The following CLINT1 variants were observed in gnomAD, a reference collection of about 807,000 sequenced individuals.
CLINT1 encodes clathrin interacting protein localized in the trans-Golgi region.
CLINT1 carries 15 observed loss-of-function variants against 70.4 expected under a neutral mutation model. The ratio of observed to expected loss-of-function variants is 0.21; its 90% CI spans 0.14 to 0.33. The LOEUF is 0.33. Ranked by LOEUF, CLINT1 falls within the 10% of genes least tolerant of loss-of-function variation. CLINT1 has a pLI of 1.00. For synonymous variants in CLINT1, 227 were observed against 254.7 expected (o/e 0.89, Z 1.04); for missense variants, 615 against 778.1 (o/e 0.79, Z 2.49).
At chr5:157,858,201 G>A (rs1428957877) in intron 1 of CLINT1, among the ~76,000 whole-genome samples, 1 of 152,054 alleles carries the variant, frequency 6.6e-6, no homozygotes, top group South Asian at 2.1e-4. Flanking sequence ...TTCCTTAAGA[G>A]GACATTTCTT....
At chr5:157,833,972 ATGTT>A (rs1251302497) in intron 1 of CLINT1, among the ~76,000 whole-genome samples, 1 of 152,094 alleles carries the variant, frequency 6.6e-6, no homozygotes, top group Non-Finnish European at 1.5e-5. Flanking sequence ...TGTAACAGGC[ATGTT>A]TGTTTATTTA....
chr5:157,821,362 T>A (rs1401392844), intron 1 of CLINT1, among the ~76,000 whole-genome samples: 1 of 147,626 alleles, frequency 6.8e-6, no homozygotes, highest in Non-Finnish European at 1.5e-5. Context: ...TGTATTTAAT[T>A]TCTGCAAACA....
intron 1 of CLINT1, among the ~76,000 whole-genome samples, chr5:157,822,848 AT>A (rs1457296772): frequency 6.6e-6 from 1 of 152,164 alleles, no homozygotes; most frequent in Non-Finnish European, 1.5e-5. Context: ...CCTTGTTGGT[AT>A]TTTTTCCTCT....
intron 1 of CLINT1, among the ~76,000 whole-genome samples, chr5:157,849,535 ATC>A (rs1396980471): frequency 4.5e-4 from 68 of 152,214 alleles, no homozygotes; most frequent in Admixed American, 4.5e-3. Context: ...AACCTGTAAT[ATC>A]TCTGAGGTAT....
At chr5:157,857,150 G>C (rs1168191351) in intron 1 of CLINT1, among the ~76,000 whole-genome samples, 2 of 151,392 alleles carry the variant, frequency 1.3e-5, no homozygotes, top group Admixed American at 1.3e-4. Context: ...GGGAGGCTGA[G>C]GTGGGAGGAT....
At chr5:157,813,351 G>T in intron 4 of CLINT1, 124 bp from the exon 5 acceptor site, 1 of 884,584 alleles carries the variant, frequency 1.1e-6, no homozygotes, top group Non-Finnish European at 1.6e-6. Context: ...AAAAACAATA[G>T]AAAGGGGCAA....
chr5:157,855,988 T>C (rs1753746858), intron 1 of CLINT1, among the ~76,000 whole-genome samples: 1 of 151,956 alleles, frequency 6.6e-6, no homozygotes, highest in Non-Finnish European at 1.5e-5. Flanking sequence ...CCATACTGAA[T>C]CTAAGAGTGG....
Position 157,816,816 on chromosome 5 carries a change from T to C in CLINT1, c.161A>G (p.Tyr54Cys), listed in dbSNP as rs757590597. ...GTTCATAAGTTCTGGAAATTGTTCATACATAAATGTAGCCCTGAAAAAAGA... is the reference window on the plus strand; with the variant it reads ...GTTCATAAGTTCTGGAAATTGTTCACACATAAATGTAGCCCTGAAAAAAGA... ...MGEIAKATFMYEQFPELMNML... is the reference protein window; with the variant it reads ...MGEIAKATFMCEQFPELMNML... The change falls in exon 3 of 12, where the codon TAT becomes TGT. Residue 54 changes from tyrosine to cysteine, a missense_variant. Tyr to Cys is a radical substitution (Grantham distance 194). Coordinates refer to ENST00000411809, the MANE Select transcript of CLINT1 (RefSeq NM_014666.4). The C allele has an allele frequency of 3.1e-6, 5 of 1,606,526 alleles. No individual in the cohort carries two copies. Among genetic ancestry groups the C allele is most frequent in the Non-Finnish European group, 4.2e-6 (5 of 1,177,398 alleles).
In CLINT1 at chr5:157,853,796, A is replaced by G. The variant is rs571682000; in HGVS notation, c.41+5134T>C. On this transcript the variant is annotated intron_variant, in intron 1 of 11. Coordinates refer to ENST00000411809, the MANE Select transcript of CLINT1 (RefSeq NM_014666.4). ...CCATCTCAAAAAAAAAAAAAAAAAA[A>G]AAAAAAGAAAAACTGCTTGTAAACT... Among the ~76,000 whole-genome samples, 754 of 151,042 alleles carry G rather than the reference A, an allele frequency of 5.0e-3. 6 individuals are homozygous for G. Among genetic ancestry groups the G allele is most frequent in the African/African-American group, 0.016 (660 of 41,062 alleles).
At chr5:157,795,411 C>A in intron 8 of CLINT1, 1 of 156,170 alleles carries the variant, frequency 6.4e-6, no homozygotes, top group Non-Finnish European at 1.4e-5. Context: ...TAATTGCTAT[C>A]CTGAAATGAC....
chr5:157,830,006 T>C (rs1372003292), intron 1 of CLINT1, among the ~76,000 whole-genome samples: 2 of 150,262 alleles, frequency 1.3e-5, no homozygotes, highest in African/African-American at 2.5e-5. Flanking sequence ...TGGAGTGCAG[T>C]GGTGCGATGA....
At chr5:157,822,735 T>G (rs1259935725) in intron 1 of CLINT1, among the ~76,000 whole-genome samples, 3 of 152,226 alleles carry the variant, frequency 2.0e-5, no homozygotes, top group Non-Finnish European at 4.4e-5. Flanking sequence ...GAGGTAGAAT[T>G]GATTAAAAGC....
At position 157,858,862 on chromosome 5, in the gene CLINT1, G is replaced by C. The variant is rs371633830; in HGVS notation, c.41+68C>G. 352 of 1,408,494 alleles carry C rather than the reference G, an allele frequency of 2.5e-4. 2 individuals carry two copies. In the African/African-American group the frequency reaches 4.3e-3, roughly 17 times the overall value. The allele number at this position is 1,408,494 out of a possible 1,614,324, so 87.2% of individuals were successfully genotyped here. A position where few individuals can be genotyped will look rare whatever the true frequency, so the allele number is the denominator to read the frequency against. ...TGACGTGGGCAACCCCTAGCCCAAG[G>C]CCAGCTCCTTCTCCCCCTCCCCCCT... On this transcript the variant is annotated intron_variant, in intron 1 of 11. Coordinates refer to ENST00000411809, the MANE Select transcript of CLINT1 (RefSeq NM_014666.4).
At chr5:157,795,832 T>C (rs1302005857) in intron 8 of CLINT1, 2 of 152,122 alleles carry the variant, frequency 1.3e-5, no homozygotes, top group African/African-American at 4.8e-5. Context: ...AGTTGAGAGA[T>C]CAGCCTGGGC....
Position 157,798,303 on chromosome 5 carries a change from CACA to C in CLINT1, c.1013-3334_1013-3332del, listed in dbSNP as rs992438589. Among the ~76,000 whole-genome samples the C allele has an allele frequency of 4.6e-5, 7 of 152,252 alleles. No homozygotes were observed. The East Asian group carries it at 9.6e-4, about 21-fold the overall frequency. ...CTGCATGTGGAAGACTGCTAATTTT[CACA>C]ACAAGTGCTATCCTTCAAGATTCCC... On this transcript the variant is annotated intron_variant, in intron 8 of 11. Transcript: ENST00000411809.
intron 8 of CLINT1, among the ~76,000 whole-genome samples, chr5:157,798,411 G>A (rs1762123564): frequency 1.3e-5 from 2 of 152,050 alleles, no homozygotes; most frequent in African/African-American, 2.4e-5. Flanking sequence ...TCACCAGCTG[G>A]GAACATGTAT....
Position 157,858,979 on chromosome 5 carries a change from G to C in CLINT1, c.-9C>G, listed in dbSNP as rs1753854475. 6.3e-7 allele frequency: 1 copy of C among 1,580,546 alleles called. No individual in the cohort carries two copies. Among genetic ancestry groups the C allele is most frequent in the Non-Finnish European group, 8.6e-7 (1 of 1,159,850 alleles). ...TTCCACATGTTCAACATCGTGCCCC[G>C]CGCGGGACGGTCCGCCGCCTCCCTC... On this transcript the variant is annotated 5_prime_UTR_variant, in exon 1 of 12. Transcript: ENST00000411809.
chr5:157,828,593 C>G (rs1763112788), intron 1 of CLINT1, among the ~76,000 whole-genome samples: 2 of 152,130 alleles, frequency 1.3e-5, no homozygotes, highest in African/African-American at 2.4e-5. Context: ...GGGGGAGCAT[C>G]TGTTTAAAAA....
rs1761709655 is a variant in CLINT1, at chr5:157,785,949, TTG to T, written c.*1695_*1696del. 1 of 152,146 alleles carries T rather than the reference TTG, an allele frequency of 6.6e-6. No individual in the cohort carries two copies. 9.4% of individuals were successfully genotyped at this position (152,146 alleles called of 1,614,324 possible). Reference sequence around the variant, plus strand: ...ATTCTTTGAAACTAAGTTAAACACATTGAATTGTTGAAAGATTAAAAACCGCA... The same window carrying T: ...ATTCTTTGAAACTAAGTTAAACACATAATTGTTGAAAGATTAAAAACCGCA... On this transcript the variant is annotated 3_prime_UTR_variant, in exon 12 of 12. Coordinates refer to ENST00000411809, the MANE Select transcript of CLINT1 (RefSeq NM_014666.4).
Sources: gnomAD v4.1 joint callset for allele counts (sites outside exome capture counted in the v4.1 genomes callset) on GRCh38, gnomAD v4.1.1 for gene constraint, MANE v1.5 for transcripts, NCBI Gene and HGNC (gene_info 2026-07-23, HGNC 2026-07-21) for gene names.